TNFRSF19: variants seen among roughly 807,000 people sequenced by gnomAD.
The protein encoded by TNFRSF19 is tumor necrosis factor receptor superfamily member 19.
A neutral mutation model predicts 46.4 loss-of-function variants in TNFRSF19; 27 were observed. The observed-to-expected ratio is 0.58, with a 90% CI of 0.43 to 0.80. The LOEUF is 0.80. Among genes scored for constraint, TNFRSF19 ranks in the 30% least tolerant of loss-of-function variants. The probability of loss-of-function intolerance (pLI) is 0.00; values close to 1 mark genes in which losing one functional copy is unlikely to be tolerated. For missense variants in TNFRSF19, 511 were observed against 530.8 expected (o/e 0.96, Z 0.37); for synonymous variants, 204 against 205.0 (o/e 1.00, Z 0.04).
rs1165578896 is a variant in TNFRSF19 at position 23,659,253 on chromosome 13, GA to G, written c.610+41del. 5 of 1,573,374 alleles carry G rather than the reference GA, an allele frequency of 3.2e-6. No homozygotes were observed. The African/African-American group carries it at 4.1e-5, about 13-fold the overall frequency. Reference sequence around the variant, plus strand: ...TCATTACATTTCTTAGCATTTAGGGGAAGGGCATTTATTACTATTGTCGTGC... The same window carrying G: ...TCATTACATTTCTTAGCATTTAGGGGAGGGCATTTATTACTATTGTCGTGC... On this transcript the variant is annotated intron_variant, in intron 6 of 9. Transcript: ENST00000248484. The surrounding 1 kb of genome is among the most constrained non-coding windows in gnomAD (Gnocchi z 4.9).
intron 1 of TNFRSF19, among the ~76,000 whole-genome samples, chr13:23,578,218 C>T (rs910398632): frequency 6.6e-6 from 1 of 152,038 alleles, no homozygotes; most frequent in Non-Finnish European, 1.5e-5. Flanking sequence ...ATCGGGTAGC[C>T]GCTGGGAGAT....
rs1288319037 is a variant in TNFRSF19, at chr13:23,674,973, A to G, written c.*1593A>G. On this transcript the variant is annotated 3_prime_UTR_variant, in exon 10 of 10. Transcript: ENST00000248484. The stretch of plus-strand genomic sequence containing the variant: ...GTGTCTGGTACATCTCATGACCTCA[A>G]TTCCCTCACCTGAAATAGGAAATGA... The G allele has an allele frequency of 6.6e-6, 1 of 152,138 alleles. No individual in the cohort carries two copies. Among genetic ancestry groups the G allele is most frequent in the African/African-American group, 2.4e-5 (1 of 41,430 alleles). 9.4% of individuals were successfully genotyped at this position (152,138 alleles called of 1,614,324 possible). A position where few individuals can be genotyped will look rare whatever the true frequency, so the allele number is the denominator to read the frequency against.
chr13:23,608,913 C>A (rs529634121), intron 3 of TNFRSF19, among the ~76,000 whole-genome samples: 3 of 152,180 alleles, frequency 2.0e-5, no homozygotes, highest in African/African-American at 7.2e-5. Flanking sequence ...GAGCTACGCT[C>A]GACCTTGCCA....
chr13:23,661,088 G>A (rs555341879), intron 7 of TNFRSF19, among the ~76,000 whole-genome samples: 86 of 152,236 alleles, frequency 5.6e-4, no homozygotes, highest in African/African-American at 1.9e-3. Context: ...TACATGTGCA[G>A]GTTTGTTATA....
intron 5 of TNFRSF19, among the ~76,000 whole-genome samples, chr13:23,628,262 A>G (rs1440235822): frequency 6.6e-6 from 1 of 152,210 alleles, no homozygotes; most frequent in Non-Finnish European, 1.5e-5. Context: ...CATCTTTCCT[A>G]CACATTGACT....
At chr13:23,653,408 A>G (rs1883772812) in intron 5 of TNFRSF19, among the ~76,000 whole-genome samples, 1 of 152,230 alleles carries the variant, frequency 6.6e-6, no homozygotes, top group African/African-American at 2.4e-5. Context: ...GAACCAAACA[A>G]GTAAAGTATA....
At chr13:23,645,646 A>C (rs908475654) in intron 5 of TNFRSF19, among the ~76,000 whole-genome samples, 2 of 152,026 alleles carry the variant, frequency 1.3e-5, no homozygotes, top group Non-Finnish European at 2.9e-5. Context: ...AGACTTCCTA[A>C]TTTCAAAGCC....
intron 1 of TNFRSF19, 127 bp from the exon 2 acceptor site, chr13:23,590,023 G>T: frequency 2.4e-6 from 1 of 418,526 alleles, no homozygotes; most frequent in Non-Finnish European, 4.3e-6. Flanking sequence ...TTTAAAGGTG[G>T]TTTCTTTTAA....
chr13:23,597,578 C>T (rs1365010026), intron 3 of TNFRSF19, among the ~76,000 whole-genome samples: 2 of 151,290 alleles, frequency 1.3e-5, no homozygotes, highest in Non-Finnish European at 2.9e-5. Flanking sequence ...AGACCAATAA[C>T]AAGTTCTGAA....
rs1350375383 is a variant in TNFRSF19 at position 23,659,276 on chromosome 13, G to A, written c.610+62G>A. On this transcript the variant is annotated intron_variant, in intron 6 of 9. Coordinates refer to ENST00000248484, the MANE Select transcript of TNFRSF19 (RefSeq NM_148957.4). The surrounding 1 kb of genome is among the most constrained non-coding windows in gnomAD (Gnocchi z 4.9). ...GGGAAGGGCATTTATTACTATTGTC[G>A]TGCAAGTGTTCCACAAGAGACTTGG... 5.6e-5 allele frequency: 86 copies of A among 1,529,754 alleles called. No homozygotes were observed. The highest frequency in any genetic ancestry group is 1.4e-4 in the East Asian group (6 of 44,068). 94.8% of individuals were successfully genotyped at this position (1,529,754 alleles called of 1,614,324 possible).
At chr13:23,610,953 T>C (rs1200727910) in intron 3 of TNFRSF19, among the ~76,000 whole-genome samples, 3 of 152,162 alleles carry the variant, frequency 2.0e-5, no homozygotes, top group Non-Finnish European at 4.4e-5. Flanking sequence ...ATTTCAAGAA[T>C]ACAGACTACG....
chr13:23,611,840 TGCA>T (rs984315426), intron 3 of TNFRSF19, among the ~76,000 whole-genome samples: 1 of 152,138 alleles, frequency 6.6e-6, no homozygotes, highest in Non-Finnish European at 1.5e-5. Context: ...GGACTTGGGG[TGCA>T]GTGGTGAGTA....
intron 3 of TNFRSF19, among the ~76,000 whole-genome samples, chr13:23,606,343 A>G (rs1880507369): frequency 8.5e-6 from 1 of 117,734 alleles, no homozygotes; most frequent in African/African-American, 3.4e-5. Context: ...TTCTGTTCCC[A>G]TATTTATAAT....
intron 5 of TNFRSF19, among the ~76,000 whole-genome samples, chr13:23,654,161 C>T (rs2138374257): frequency 6.6e-6 from 1 of 152,306 alleles, no homozygotes. Context: ...GAAAATTCTC[C>T]AGGAAGAAGG....
At chr13:23,669,556 C>T in intron 9 of TNFRSF19, 1 of 985,282 alleles carries the variant, frequency 1.0e-6, no homozygotes, top group Non-Finnish European at 1.2e-6. Flanking sequence ...CTCCTCTCTC[C>T]TTGGCTGTTG....
chr13:23,593,266 T>A, intron 2 of TNFRSF19, 79 bp from the exon 3 acceptor site: 1 of 795,794 alleles, frequency 1.3e-6, no homozygotes, highest in East Asian at 2.7e-5. Context: ...TGACTAATAT[T>A]GAAAATATTG....
At chr13:23,617,307 T>A (rs961226675) in intron 4 of TNFRSF19, among the ~76,000 whole-genome samples, 1 of 151,966 alleles carries the variant, frequency 6.6e-6, no homozygotes, top group Non-Finnish European at 1.5e-5. Context: ...TAAATAGACT[T>A]GTCAATAAGG....
intron 5 of TNFRSF19, among the ~76,000 whole-genome samples, chr13:23,653,687 G>A (rs1883793840): frequency 6.6e-6 from 1 of 152,184 alleles, no homozygotes; most frequent in Non-Finnish European, 1.5e-5. Flanking sequence ...CACGTGCTTT[G>A]GACATGGTGA....
chr13:23,630,446 T>C (rs1025439127), intron 5 of TNFRSF19, among the ~76,000 whole-genome samples: 2 of 152,056 alleles, frequency 1.3e-5, no homozygotes, highest in Non-Finnish European at 2.9e-5. Flanking sequence ...CCCCACCAGA[T>C]GAGCTGTATG....
Sources: gnomAD v4.1 joint callset for allele counts (sites outside exome capture counted in the v4.1 genomes callset) on GRCh38, gnomAD v4.1.1 for gene constraint, Gnocchi (gnomAD v3.1) non-coding constraint, MANE v1.5 for transcripts, NCBI Gene and HGNC (gene_info 2026-07-23, HGNC 2026-07-21) for gene names.